The following RELCH variants were observed in gnomAD, a reference collection of about 807,000 sequenced individuals.
The protein encoded by RELCH is RAB11 binding and LisH domain, coiled-coil and HEAT repeat containing, also known as RAB11-binding protein RELCH.
In RELCH, 41 loss-of-function variants were observed where a neutral mutation model predicts 150.3. The observed-to-expected ratio is 0.27, with a 90% CI of 0.21 to 0.35. RELCH has a LOEUF of 0.35. Ranked by LOEUF, RELCH falls within the 10% of genes least tolerant of loss-of-function variation. The probability of loss-of-function intolerance (pLI) is 1.00; values close to 1 mark genes in which losing one functional copy is unlikely to be tolerated. For synonymous variants in RELCH, 478 were observed against 531.8 expected (o/e 0.90, Z 1.39); for missense variants, 1,092 against 1,467.8 (o/e 0.74, Z 4.18).
chr18:62,208,405 C>A (rs1469009137), intron 1 of RELCH, among the ~76,000 whole-genome samples: 3 of 150,504 alleles, frequency 2.0e-5, no homozygotes, highest in African/African-American at 7.3e-5. Flanking sequence ...TTTATCAGTT[C>A]ATTCCTTTAT....
rs758111542 is a variant in RELCH at position 62,274,076 on chromosome 18, G to A, written c.2857G>A (p.Val953Met). ...APLDSLKASFVELGANPAYHE... is the reference protein window; with the variant it reads ...APLDSLKASFMELGANPAYHE... ...TCTTGATAGCCTGAAGGCTTCTTTTGTGGAATTGGGGTAAGAAATAACAGC... is the reference window on the plus strand; with the variant it reads ...TCTTGATAGCCTGAAGGCTTCTTTTATGGAATTGGGGTAAGAAATAACAGC... Residue 953 changes from valine (V) to methionine (M), a missense_variant, in exon 21 of 29, where the codon GTG becomes ATG. Val to Met is a conservative substitution (Grantham distance 21). This residue lies in a region of RELCH where 707 missense variants were observed against 1,025.4 expected (regional missense o/e 0.69). Coordinates refer to ENST00000644646, the MANE Select transcript of RELCH (RefSeq NM_001346231.2). 1 of 1,606,560 alleles carries A rather than the reference G, an allele frequency of 6.2e-7. No individual in the cohort carries two copies. Among genetic ancestry groups the A allele is most frequent in the East Asian group, 2.2e-5 (1 of 44,686 alleles).
chr18:62,261,498 C>A lies in RELCH; in HGVS notation c.2203-13C>A, dbSNP rs778962883. On this transcript the variant is annotated splice_polypyrimidine_tract_variant and intron_variant, in intron 15 of 28. Transcript: ENST00000644646. ...AAAAGACTAAAATTAGCTTCCACCT[C>A]CTTATGTTTCAGGAAGGAGAACATG... 6.2e-7 allele frequency: 1 copy of A among 1,609,358 alleles called. No homozygotes were observed. The highest frequency in any genetic ancestry group is 1.1e-5 in the South Asian group (1 of 90,392).
rs1600186556 is a variant in RELCH at position 62,273,536 on chromosome 18, A to G, written c.2761-444A>G. Among the ~76,000 whole-genome samples, 6 of 152,264 alleles carry G rather than the reference A, an allele frequency of 3.9e-5. No individual in the cohort carries two copies. The East Asian group carries it at 1.2e-3, about 29-fold the overall frequency. ...AAAATTCGTAAGGTAAATTTTAATA[A>G]AAGATTATACTTTTTAATGTTCTAA... On this transcript the variant is annotated intron_variant, in intron 20 of 28. Transcript: ENST00000644646.
At chr18:62,244,666 A>G (rs752535398) in intron 10 of RELCH, 98 bp from the exon 11 acceptor site, 101 of 769,418 alleles carry the variant, frequency 1.3e-4, no homozygotes, top group Non-Finnish European at 2.0e-4. Context: ...ACTGAGGTTT[A>G]TTTCACTTTA....
intron 10 of RELCH, among the ~76,000 whole-genome samples, chr18:62,241,883 A>G (rs1259595271): frequency 6.6e-6 from 1 of 152,240 alleles, no homozygotes; most frequent in Non-Finnish European, 1.5e-5. Context: ...CAACAGACAT[A>G]TACTTACAGA....
At chr18:62,217,801 A>G (rs2040579655) in intron 2 of RELCH, among the ~76,000 whole-genome samples, 1 of 151,996 alleles carries the variant, frequency 6.6e-6, no homozygotes, top group Non-Finnish European at 1.5e-5. Context: ...CAACTTTGAG[A>G]TGAGTGATAG....
chr18:62,294,741 A>T (rs978410349), intron 27 of RELCH, among the ~76,000 whole-genome samples: 1 of 152,176 alleles, frequency 6.6e-6, no homozygotes, highest in Admixed American at 6.5e-5. Context: ...AAATTTTTTT[A>T]AATTGACTTT....
At chr18:62,298,099 C>CCT (rs1555760138) in intron 27 of RELCH, among the ~76,000 whole-genome samples, 23 of 151,376 alleles carry the variant, frequency 1.5e-4, no homozygotes, top group African/African-American at 5.1e-4. Context: ...TTTATCCCCC[C>CCT]CCGTCTAAAA....
intron 10 of RELCH, among the ~76,000 whole-genome samples, chr18:62,237,510 C>G (rs564350082): frequency 2.0e-5 from 3 of 151,888 alleles, no homozygotes; most frequent in African/African-American, 4.8e-5. Flanking sequence ...ATGCACTACT[C>G]TCTACTTTGC....
At chr18:62,234,588 T>C (rs1808624212) in intron 10 of RELCH, among the ~76,000 whole-genome samples, 1 of 152,014 alleles carries the variant, frequency 6.6e-6, no homozygotes, top group Non-Finnish European at 1.5e-5. Context: ...TCTTAGCTGA[T>C]TAAATAAAGC....
chr18:62,252,541 C>T, intron 11 of RELCH, 123 bp from the exon 12 acceptor site: 1 of 691,524 alleles, frequency 1.4e-6, no homozygotes, highest in East Asian at 2.7e-5. Flanking sequence ...AATAAAAAGT[C>T]TAATTTGATT....
At chr18:62,211,372 G>T in intron 2 of RELCH, 130 bp downstream of exon 2, 1 of 507,894 alleles carries the variant, frequency 2.0e-6, no homozygotes. Context: ...ACAAAGTTAT[G>T]TTACTAATTA....
At chr18:62,287,315 T>G in intron 25 of RELCH, 36 bp from the exon 26 acceptor site, 1 of 992,310 alleles carries the variant, frequency 1.0e-6, no homozygotes, top group Non-Finnish European at 1.6e-6. Flanking sequence ...ATGCATGTTT[T>G]GGGTAAAAAT....
chr18:62,270,290 G>A (rs1451452224), intron 20 of RELCH, among the ~76,000 whole-genome samples: 1 of 152,162 alleles, frequency 6.6e-6, no homozygotes, highest in Non-Finnish European at 1.5e-5. Flanking sequence ...TAAGTCACAG[G>A]CACAGCTCAG....
intron 27 of RELCH, among the ~76,000 whole-genome samples, chr18:62,294,863 T>C (rs576659649): frequency 6.0e-4 from 92 of 152,368 alleles, no homozygotes; most frequent in Admixed American, 1.5e-3. Context: ...AGTATGTTTT[T>C]TGAACCGTTC....
At chr18:62,211,336 G>A (rs2040155675) in intron 2 of RELCH, 94 bp downstream of exon 2, 2 of 749,344 alleles carry the variant, frequency 2.7e-6, no homozygotes, top group Non-Finnish European at 4.7e-6. Flanking sequence ...AGTTTGGTAT[G>A]TGACTATAAC....
Position 62,305,213 on chromosome 18 carries a change from C to T in RELCH, c.3531-201C>T, listed in dbSNP as rs866602982. 6.6e-6 allele frequency among the ~76,000 whole-genome samples: 1 copy of T among 152,188 alleles called. No individual in the cohort carries two copies. Among genetic ancestry groups the T allele is most frequent in the African/African-American group, 2.4e-5 (1 of 41,442 alleles). ...GTCCCAGACTTGTTCCTAACCACTA[C>T]ACATACTGCTTCCTTTACTATAGAT... is the stretch of plus-strand genomic sequence containing the variant. On this transcript the variant is annotated intron_variant, in intron 28 of 28. Transcript: ENST00000644646. The surrounding 1 kb of genome is among the most constrained non-coding windows in gnomAD (Gnocchi z 4.0).
At chr18:62,209,351 A>T (rs537399737) in intron 1 of RELCH, among the ~76,000 whole-genome samples, 1 of 152,128 alleles carries the variant, frequency 6.6e-6, no homozygotes, top group Non-Finnish European at 1.5e-5. Context: ...CTTTTTTTAC[A>T]TGTAGATATA....
intron 10 of RELCH, chr18:62,235,001 C>A (rs2041806761): frequency 6.6e-6 from 1 of 151,524 alleles, no homozygotes; most frequent in Non-Finnish European, 1.5e-5. Context: ...TTTAAGAAAC[C>A]ATTGCCAAGT....
Sources: allele counts gnomAD v4.1 joint callset (sites outside exome capture counted in the v4.1 genomes callset), GRCh38; gene constraint gnomAD v4.1.1; regional missense constraint gnomAD v4.1.1; non-coding constraint Gnocchi (gnomAD v3.1); transcripts MANE v1.5; gene names NCBI Gene and HGNC (gene_info 2026-07-23, HGNC 2026-07-21).